ARNT: variants seen among roughly 807,000 people sequenced by gnomAD.
ARNT encodes class E basic helix-loop-helix protein 2.
ARNT carries 30 observed loss-of-function variants against 105.0 expected under a neutral mutation model. The observed-to-expected ratio is 0.29, with a 90% CI of 0.21 to 0.39. The LOEUF is 0.39. ARNT is among the 10% of genes least tolerant of loss of function. The pLI, the probability that ARNT is intolerant of heterozygous loss-of-function variation, is 1.00. For missense variants in ARNT, 748 were observed against 978.7 expected (o/e 0.76, Z 3.15); for synonymous variants, 304 against 344.0 (o/e 0.88, Z 1.29).
chr1:150,856,562 A>C (rs587611638), intron 2 of ARNT, among the ~76,000 whole-genome samples: 1 of 152,016 alleles, frequency 6.6e-6, no homozygotes, highest in East Asian at 1.9e-4. Flanking sequence ...CAGGAGTTCG[A>C]GACCAGCCTG....
At chr1:150,839,702 A>G (rs771071960) in intron 5 of ARNT, 48 bp from the exon 6 acceptor site, 1 of 1,551,166 alleles carries the variant, frequency 6.4e-7, no homozygotes. Flanking sequence ...ACATCTGGTC[A>G]TTTGGTAGCA....
At position 150,811,391 on chromosome 1, in the gene ARNT, A is replaced by G; in HGVS notation, c.*630T>C. On this transcript the variant is annotated 3_prime_UTR_variant, in exon 22 of 22. Transcript: ENST00000358595. ...AAAAGTACACAGAAAGACAAAGGTA[A>G]AATCGGGGACAAATTTTGCATAACT... The G allele has an allele frequency of 4.3e-6, 1 of 233,672 alleles. No individual in the cohort carries two copies. Among genetic ancestry groups the G allele is most frequent in the Non-Finnish European group, 8.5e-6 (1 of 117,974 alleles). 14.5% of individuals were successfully genotyped at this position (233,672 alleles called of 1,614,324 possible).
At chr1:150,823,992 G>A (rs1452757129) in intron 13 of ARNT, among the ~76,000 whole-genome samples, 1 of 149,508 alleles carries the variant, frequency 6.7e-6, no homozygotes, top group East Asian at 2.0e-4. Flanking sequence ...ATAGGCACGT[G>A]CCACCACGCC....
intron 1 of ARNT, among the ~76,000 whole-genome samples, chr1:150,874,651 G>A (rs1459415267): frequency 2.0e-5 from 3 of 152,136 alleles, no homozygotes; most frequent in Non-Finnish European, 4.4e-5. Context: ...TCTTGCCACT[G>A]CACTCCAGAC....
chr1:150,870,706 A>G (rs587733960), intron 1 of ARNT, among the ~76,000 whole-genome samples: 1 of 151,952 alleles, frequency 6.6e-6, no homozygotes, highest in East Asian at 2.0e-4. Flanking sequence ...ATGGGGTTTC[A>G]CCACGTTGCC....
In ARNT at chr1:150,842,463, T is replaced by C; in HGVS notation, c.233A>G (p.Asp78Gly). The C allele has an allele frequency of 6.2e-7, 1 of 1,601,164 alleles. No homozygotes were observed. The highest frequency in any genetic ancestry group is 1.1e-5 in the South Asian group (1 of 90,282). The change falls in exon 5 of 22, where the codon GAT (aspartate) becomes GGT (glycine). Residue 78 changes from aspartate to glycine, a missense_variant. Asp to Gly is a moderately conservative substitution (Grantham distance 94). Coordinates refer to ENST00000358595, the MANE Select transcript of ARNT (RefSeq NM_001668.4). The part of the protein sequence containing the change: ...SNDKERFARS[D>G]DEQSSADKER... ...TTTATCCGCAGAGCTCTGCTCATCA[T>C]CCGACCTAAAAATAGAATTAATGAA...
intron 1 of ARNT, among the ~76,000 whole-genome samples, chr1:150,859,501 C>CT (rs1297698758): frequency 6.6e-6 from 1 of 151,892 alleles, no homozygotes; most frequent in Non-Finnish European, 1.5e-5. Flanking sequence ...TGGGTACCAC[C>CT]ACACCTCGGT....
Position 150,858,381 on chromosome 1 carries a change from G to T in ARNT, c.105C>A (p.Ala35=). 1 of 1,609,194 alleles carries T rather than the reference G, an allele frequency of 6.2e-7. No individual in the cohort carries two copies. The highest frequency in any genetic ancestry group is 8.5e-7 in the Non-Finnish European group (1 of 1,177,644). ...NSGPGIQGGG[A]IVQRAIKRRP... ...GCCGCTTAATAGCCCTCTGGACAAT[G>T]GCTCCTCCACCTTGAATTCCAGGTC... Residue 35 remains alanine (A), a synonymous_variant, in exon 2 of 22, where the codon GCC becomes GCA. Coordinates refer to ENST00000358595, the MANE Select transcript of ARNT (RefSeq NM_001668.4).
intron 3 of ARNT, among the ~76,000 whole-genome samples, chr1:150,852,249 A>C (rs184932787): frequency 9.0e-4 from 137 of 152,324 alleles, no homozygotes; most frequent in Non-Finnish European, 1.4e-3. Context: ...ATGGGACATA[A>C]GCAAATGTCA....
chr1:150,867,616 T>C lies in ARNT; in HGVS notation c.25+8927A>G, dbSNP rs587704532. On this transcript the variant is annotated intron_variant, in intron 1 of 21. Transcript: ENST00000358595. ...CAGGAATGAAATTTTTGGAGTCTTT[T>C]ATACATAAAAGATAAATAAAGGGTG... 4.3e-4 allele frequency among the ~76,000 whole-genome samples: 65 copies of C among 152,292 alleles called. 1 individual carries two copies. The South Asian group carries it at 9.3e-3, about 22-fold the overall frequency.
At chr1:150,819,556 T>C (rs1656638273) in intron 14 of ARNT, among the ~76,000 whole-genome samples, 2 of 152,202 alleles carry the variant, frequency 1.3e-5, no homozygotes, top group South Asian at 4.1e-4. Context: ...GGTATATCCA[T>C]ACAATGAAAT....
chr1:150,856,781 A>G (rs912980251), intron 2 of ARNT, among the ~76,000 whole-genome samples: 1 of 151,968 alleles, frequency 6.6e-6, no homozygotes, highest in Non-Finnish European at 1.5e-5. Context: ...TAAGTAAATA[A>G]AAATAAAAGA....
chr1:150,875,527 T>G (rs1668113990), intron 1 of ARNT, among the ~76,000 whole-genome samples: 1 of 152,194 alleles, frequency 6.6e-6, no homozygotes, highest in Admixed American at 6.5e-5. Context: ...TCAAGGCCCT[T>G]TTTAAGGCTA....
In ARNT at chr1:150,811,776, T is replaced by C. The variant is rs1654778501; in HGVS notation, c.*245A>G. The stretch of plus-strand genomic sequence containing the variant: ...TCAGGAGACATAAGGAAAGGTGTTT[T>C]AACTTCACCCAGCCTCAAATTTTCA... On this transcript the variant is annotated 3_prime_UTR_variant, in exon 22 of 22. Transcript: ENST00000358595. 1 of 326,026 alleles carries C rather than the reference T, an allele frequency of 3.1e-6. No individual in the cohort carries two copies. Among genetic ancestry groups the C allele is most frequent in the African/African-American group, 2.1e-5 (1 of 47,298 alleles). The allele number at this position is 326,026 out of a possible 1,614,324, so 20.2% of individuals were successfully genotyped here. A position where few individuals can be genotyped will look rare whatever the true frequency, so the allele number is the denominator to read the frequency against.
chr1:150,857,465 TG>T (rs1664839986), intron 2 of ARNT, among the ~76,000 whole-genome samples: 1 of 152,208 alleles, frequency 6.6e-6, no homozygotes, highest in Non-Finnish European at 1.5e-5. Context: ...GTAAAGCTAC[TG>T]AACATATAAC....
chr1:150,837,859 T>TAA (rs935921257), intron 6 of ARNT, among the ~76,000 whole-genome samples: 1 of 146,300 alleles, frequency 6.8e-6, no homozygotes, highest in Non-Finnish European at 1.5e-5. Context: ...ATTTCCCTCT[T>TAA]AAAAAAAAAA....
intron 6 of ARNT, among the ~76,000 whole-genome samples, chr1:150,839,183 G>A (rs587767314): frequency 6.6e-6 from 1 of 152,286 alleles, no homozygotes; most frequent in South Asian, 2.1e-4. Flanking sequence ...TGATTCCACT[G>A]TTCTTCTTCC....
At chr1:150,839,801 T>C (rs1048038714) in intron 5 of ARNT, 147 bp from the exon 6 acceptor site, 1 of 810,192 alleles carries the variant, frequency 1.2e-6, no homozygotes, top group Non-Finnish European at 1.9e-6. Context: ...AAAATAAGGT[T>C]TGCCAACCTT....
intron 5 of ARNT, among the ~76,000 whole-genome samples, chr1:150,841,780 A>G (rs925334169): frequency 1.3e-5 from 2 of 152,230 alleles, no homozygotes; most frequent in African/African-American, 2.4e-5. Context: ...TGCCTAAGAC[A>G]TAAAATTCTA....
Sources: allele counts gnomAD v4.1 joint callset (sites outside exome capture counted in the v4.1 genomes callset), GRCh38; gene constraint gnomAD v4.1.1; transcripts MANE v1.5; gene names NCBI Gene and HGNC (gene_info 2026-07-23, HGNC 2026-07-21).